TMEM177: variants seen among roughly 807,000 people sequenced by gnomAD.
TMEM177 encodes transmembrane protein 177.
TMEM177 carries 4 observed loss-of-function variants against 14.2 expected under a neutral mutation model. That is an observed-to-expected ratio of 0.28 (90% CI 0.14 to 0.64). TMEM177 has a LOEUF of 0.64. TMEM177 is among the 30% of genes least tolerant of loss of function. The pLI is 0.82. For missense variants in TMEM177, 344 were observed against 405.2 expected, an observed-to-expected ratio of 0.85 and a Z score of 1.30; for synonymous variants, 179 against 174.5, an observed-to-expected ratio of 1.03 and a Z score of -0.20.
chr2:119,721,309 C>G, the TMEM177 span, among the ~76,000 whole-genome samples: 3 of 152,206 alleles, frequency 2.0e-5, no homozygotes, highest in Non-Finnish European at 4.4e-5. Flanking sequence ...TGTTGAAGCT[C>G]AGTGGATCTC....
At chr2:119,685,222 C>A (rs1018801100), downstream of TMEM177, among the ~76,000 whole-genome samples, 31 of 130,556 alleles carry the variant, frequency 2.4e-4, no homozygotes, top group African/African-American at 7.1e-4. Flanking sequence ...GCCCCCCCCC[C>A]CCTTTGCAGG....
chr2:119,682,035 T>A lies in TMEM177; in HGVS notation c.*246T>A. 2.0e-6 allele frequency: 1 copy of A among 489,392 alleles called. No individual in the cohort carries two copies. Among genetic ancestry groups the A allele is most frequent in the South Asian group, 4.2e-5 (1 of 23,740 alleles). 30.3% of individuals were successfully genotyped at this position (489,392 alleles called of 1,614,324 possible). A position where few individuals can be genotyped will look rare whatever the true frequency, so the allele number is the denominator to read the frequency against. ...AAAGTGGAGATGATGTAAACCGCCTTGCAAGATTGTAGAGTTGGGTAAGGT... is the reference window on the plus strand; with the variant it reads ...AAAGTGGAGATGATGTAAACCGCCTAGCAAGATTGTAGAGTTGGGTAAGGT... On this transcript the variant is annotated 3_prime_UTR_variant, in exon 2 of 2. Transcript: ENST00000272521.
chr2:119,701,184 AG>A, the TMEM177 span, among the ~76,000 whole-genome samples: 1 of 152,054 alleles, frequency 6.6e-6, no homozygotes, highest in African/African-American at 2.4e-5. Context: ...CCCAGGGAAG[AG>A]GTATGAGAGC....
chr2:119,685,863 A>C, downstream of TMEM177: 1 of 605,132 alleles, frequency 1.7e-6, no homozygotes, highest in Admixed American at 3.0e-5. Context: ...CTGGGTTAGA[A>C]GTAACTTTTT....
At chr2:119,710,355 C>T in the TMEM177 span, among the ~76,000 whole-genome samples, 1 of 152,204 alleles carries the variant, frequency 6.6e-6, no homozygotes, top group Non-Finnish European at 1.5e-5. Flanking sequence ...CAAGAGAATT[C>T]CAGATCATGG....
At position 119,681,339 on chromosome 2, in the gene TMEM177, A is replaced by T. The variant is rs1167394872; in HGVS notation, c.486A>T (p.Glu162Asp). 1 of 1,614,230 alleles carries T rather than the reference A, an allele frequency of 6.2e-7. No homozygotes were observed. Among genetic ancestry groups the T allele is most frequent in the Admixed American group, 1.7e-5 (1 of 60,032 alleles). Residue 162 changes from glutamate to aspartate, a missense_variant, in exon 2 of 2, where the codon GAA becomes GAT. Transcript: ENST00000272521. ...TGGCCAGGGAAGTGGTGTACCTGGA[A>T]AGCAGTACCACTGCCGTGCACGCCC... is the stretch of plus-strand genomic sequence containing the variant. ...FALAREVVYLESSTTAVHALL... is the reference protein window; with the variant it reads ...FALAREVVYLDSSTTAVHALL...
the TMEM177 span, chr2:119,699,068 G>A: frequency 7.7e-4 from 154 of 201,096 alleles, no homozygotes; most frequent in African/African-American, 3.4e-3. Flanking sequence ...AAGCCACGAA[G>A]TGTCTGAACG....
chr2:119,704,227 G>C, the TMEM177 span, among the ~76,000 whole-genome samples: 2 of 152,208 alleles, frequency 1.3e-5, no homozygotes, highest in African/African-American at 4.8e-5. Flanking sequence ...AGGTACTCTA[G>C]ACATTTATTC....
intron 1 of TMEM177, 88 bp downstream of exon 1, chr2:119,679,364 C>T (rs1688836395): frequency 6.6e-6 from 1 of 152,426 alleles, no homozygotes; most frequent in African/African-American, 2.4e-5. Context: ...AGCCCCTCCT[C>T]CCCCAGCCAC....
chr2:119,693,619 A>C, the TMEM177 span, among the ~76,000 whole-genome samples: 39 of 152,106 alleles, frequency 2.6e-4, no homozygotes, highest in Non-Finnish European at 5.1e-4. Context: ...GTCAAGATTC[A>C]CTACTTTTAG....
chr2:119,686,060 G>T, downstream of TMEM177: 1 of 222,702 alleles, frequency 4.5e-6, no homozygotes, highest in Non-Finnish European at 8.8e-6. Flanking sequence ...ATCTCAGGAG[G>T]TAGGGAGAGA....
chr2:119,708,312 T>G, the TMEM177 span, among the ~76,000 whole-genome samples: 458 of 151,762 alleles, frequency 3.0e-3, 2 homozygotes, highest in Non-Finnish European at 4.0e-3. Flanking sequence ...TTTATTTTTG[T>G]GGAAAAAAAA....
At chr2:119,708,867 C>G in the TMEM177 span, among the ~76,000 whole-genome samples, 1 of 151,970 alleles carries the variant, frequency 6.6e-6, no homozygotes, top group Non-Finnish European at 1.5e-5. Context: ...TTATTGTTTT[C>G]TACATTTCTT....
chr2:119,690,221 G>A (rs1260791537), downstream of TMEM177, among the ~76,000 whole-genome samples: 1 of 152,132 alleles, frequency 6.6e-6, no homozygotes, highest in East Asian at 1.9e-4. Flanking sequence ...ACGAAATCTG[G>A]TTATTTAAAA....
chr2:119,707,917 TG>T, the TMEM177 span, among the ~76,000 whole-genome samples: 1 of 152,180 alleles, frequency 6.6e-6, no homozygotes, highest in East Asian at 1.9e-4. Flanking sequence ...TTTCCCTCTC[TG>T]TCTACCTCGG....
the TMEM177 span, chr2:119,700,060 A>T: frequency 1.1e-5 from 3 of 274,434 alleles, no homozygotes; most frequent in Non-Finnish European, 1.4e-5. Flanking sequence ...CTTACTGAAA[A>T]GGAACAAATT....
At chr2:119,683,132 A>C (rs1423093806), downstream of TMEM177, among the ~76,000 whole-genome samples, 1 of 152,190 alleles carries the variant, frequency 6.6e-6, no homozygotes, top group East Asian at 1.9e-4. Flanking sequence ...AGAGTGAGCC[A>C]GTGGGGCTGC....
downstream of TMEM177, chr2:119,686,344 A>G (rs1295866716): frequency 6.6e-6 from 1 of 152,242 alleles, no homozygotes; most frequent in Non-Finnish European, 1.5e-5. Flanking sequence ...GTTGCTGCCC[A>G]AATACCAGCA....
downstream of TMEM177, among the ~76,000 whole-genome samples, chr2:119,687,848 C>G (rs745784445): frequency 8.5e-5 from 13 of 152,148 alleles, no homozygotes; most frequent in Non-Finnish European, 1.8e-4. Flanking sequence ...ACTTGGTATG[C>G]AGAAATAGAT....
Sources: gnomAD v4.1 joint callset for allele counts (sites outside exome capture counted in the v4.1 genomes callset) on GRCh38, gnomAD v4.1.1 for gene constraint, MANE v1.5 for transcripts, NCBI Gene and HGNC (gene_info 2026-07-23, HGNC 2026-07-21) for gene names.